The following ADGRV1 variants were observed in gnomAD, a reference collection of about 807,000 sequenced individuals.
ADGRV1 encodes adhesion G protein-coupled receptor V1.
In ADGRV1, 359 loss-of-function variants were observed where a neutral mutation model predicts 596.2. That is an observed-to-expected ratio of 0.60 (90% CI 0.55 to 0.66). The LOEUF (loss-of-function observed/expected upper bound fraction) is 0.66. ADGRV1 is among the 30% of genes least tolerant of loss of function. ADGRV1 has a pLI of 0.00. For missense variants in ADGRV1, 7,274 were observed against 7,575.6 expected (o/e 0.96, Z 1.48); for synonymous variants, 2,681 against 2,679.2 (o/e 1.00, Z -0.02).
chr5:91,139,083 T>A (rs969061578), intron 87 of ADGRV1, among the ~76,000 whole-genome samples: 20 of 152,202 alleles, frequency 1.3e-4, no homozygotes. Context: ...TTGGTAAACT[T>A]CTTATCTCTT....
At position 90,788,105 on chromosome 5, in the gene ADGRV1, A is replaced by T; in HGVS notation, c.13688A>T (p.Glu4563Val). The T allele has an allele frequency of 6.2e-7, 1 of 1,613,156 alleles. No homozygotes were observed. Among genetic ancestry groups the T allele is most frequent in the Non-Finnish European group, 8.5e-7 (1 of 1,179,436 alleles). Reference sequence around the variant, plus strand: ...GAGACAGTAGGACCCAACTCTCAAGAAGCCTTACTGCCACAGAATAGAGAC... The same window carrying T: ...GAGACAGTAGGACCCAACTCTCAAGTAGCCTTACTGCCACAGAATAGAGAC... ...NWETVGPNSQ[E>V]ALLPQNRDIA... The change falls in exon 68 of 90, where the codon GAA becomes GTA. Residue 4563 changes from glutamate to valine, a missense_variant. Coordinates refer to ENST00000405460, the MANE Select transcript of ADGRV1 (RefSeq NM_032119.4).
chr5:90,936,823 G>GT (rs989261307), intron 83 of ADGRV1, among the ~76,000 whole-genome samples: 19 of 151,890 alleles, frequency 1.3e-4, no homozygotes, highest in African/African-American at 2.7e-4. Context: ...TAAACATATG[G>GT]TTTTTTTGCT....
rs200187681 is a variant in ADGRV1 at position 90,637,731 on chromosome 5, A to C, written c.2023A>C (p.Ile675Leu). 2.0e-4 allele frequency: 327 copies of C among 1,605,308 alleles called. 2 individuals are homozygous for C. The African/African-American group carries it at 3.6e-3, about 18-fold the overall frequency. Residue 675 changes from isoleucine to leucine, a missense_variant, in exon 11 of 90, where the codon ATT (isoleucine) becomes CTT (leucine). Physicochemically the swap from Ile to Leu is conservative, Grantham distance 5. This residue lies in a region of ADGRV1 where 1,715 missense variants were observed against 1,708.8 expected (regional missense o/e 1.00). Coordinates refer to ENST00000405460, the MANE Select transcript of ADGRV1 (RefSeq NM_032119.4). ...GTTCTTTTCTTTTTATAAGGTATAC[A>C]TTCCCTTACATCGGGATGGAACTGA... is the stretch of plus-strand genomic sequence containing the variant. ...PEDFAAEVVY[I>L]PLHRDGTDGQ...
chr5:90,961,247 T>A (rs1777980865), intron 83 of ADGRV1, among the ~76,000 whole-genome samples: 1 of 152,124 alleles, frequency 6.6e-6, no homozygotes, highest in South Asian at 2.1e-4. Context: ...ACGCCTGTAA[T>A]CCCAGCACTT....
intron 23 of ADGRV1, 26 bp downstream of exon 23, chr5:90,674,260 AT>A: frequency 6.5e-7 from 1 of 1,529,226 alleles, no homozygotes; most frequent in Non-Finnish European, 8.8e-7. Flanking sequence ...TGCAAGAAAA[AT>A]CCTCTCTTCT....
intron 87 of ADGRV1, among the ~76,000 whole-genome samples, chr5:91,103,484 G>A (rs1378549899): frequency 6.6e-6 from 1 of 151,288 alleles, no homozygotes; most frequent in Non-Finnish European, 1.5e-5. Flanking sequence ...CATCAGGGCA[G>A]AGCCATCAGG....
intron 87 of ADGRV1, among the ~76,000 whole-genome samples, chr5:91,133,301 G>T (rs1794365915): frequency 1.3e-5 from 2 of 152,200 alleles, no homozygotes; most frequent in South Asian, 4.1e-4. Flanking sequence ...TGGGGCCAGG[G>T]GAGGAGAGAG....
intron 85 of ADGRV1, among the ~76,000 whole-genome samples, chr5:91,014,136 C>CACACACACACACACACA (rs1782962720): frequency 0.014 from 484 of 35,684 alleles, 11 homozygotes; most frequent in African/African-American, 0.041. Flanking sequence ...TTCACAATTG[C>CACACACACACACACACA]CACACACACA....
intron 6 of ADGRV1, among the ~76,000 whole-genome samples, chr5:90,626,952 G>T (rs1450626520): frequency 1.3e-5 from 2 of 152,128 alleles, no homozygotes; most frequent in African/African-American, 2.4e-5. Context: ...ACCAGTTAAG[G>T]CTGAAAGACA....
intron 33 of ADGRV1, 67 bp downstream of exon 33, chr5:90,694,768 A>C (rs1746973876): frequency 1.5e-6 from 2 of 1,352,124 alleles, no homozygotes; most frequent in Non-Finnish European, 2.0e-6. Flanking sequence ...TTTTATGATA[A>C]AATTTATAAG....
intron 83 of ADGRV1, among the ~76,000 whole-genome samples, chr5:90,961,087 C>G (rs1199531009): frequency 2.0e-5 from 3 of 152,100 alleles, no homozygotes; most frequent in Admixed American, 6.5e-5. Context: ...TTAGAAAGAA[C>G]TACATTTGGC....
intron 77 of ADGRV1, among the ~76,000 whole-genome samples, chr5:90,831,280 TAC>T (rs539222542): frequency 4.2e-4 from 63 of 149,534 alleles, no homozygotes; most frequent in East Asian, 1.2e-3. Flanking sequence ...TACATATATA[TAC>T]ACACACACAC....
rs1226569427 is a variant in ADGRV1 at position 90,828,990 on chromosome 5, C to T, written c.16415C>T (p.Thr5472Ile). The change falls in exon 77 of 90, where the codon ACT (threonine) becomes ATT (isoleucine). Residue 5472 changes from threonine (T) to isoleucine (I), a missense_variant. Physicochemically the swap from Thr to Ile is moderately conservative, Grantham distance 89 (BLOSUM62 -1). Around this residue, in one of 5 missense-constraint regions of ADGRV1, gnomAD observed 1,874 missense variants for 1,970.2 expected, o/e 0.95. Transcript: ENST00000405460. ...VYFFVELYEA[T>I]AGAAINNSAR... ...TTTTTTGTGGAACTATATGAAGCTA[C>T]TGCTGGAGCAGCAATAAACAACAGT... The T allele has an allele frequency of 6.2e-7, 1 of 1,605,904 alleles. No individual in the cohort carries two copies. Among genetic ancestry groups the T allele is most frequent in the Admixed American group, 1.7e-5 (1 of 59,780 alleles).
intron 83 of ADGRV1, among the ~76,000 whole-genome samples, chr5:90,949,254 A>G (rs1366523485): frequency 1.3e-5 from 2 of 152,076 alleles, no homozygotes. Context: ...GGTGTTAGAA[A>G]AGTTCTATAC....
intron 85 of ADGRV1, among the ~76,000 whole-genome samples, chr5:90,991,478 T>C (rs1430849653): frequency 6.6e-6 from 1 of 152,200 alleles, no homozygotes; most frequent in East Asian, 1.9e-4. Context: ...AGAGACAAGG[T>C]CTTGCTGTGT....
At chr5:91,137,453 G>C (rs1794736725) in intron 87 of ADGRV1, among the ~76,000 whole-genome samples, 1 of 152,118 alleles carries the variant, frequency 6.6e-6, no homozygotes, top group Non-Finnish European at 1.5e-5. Context: ...TTGTAACTGA[G>C]TTAGGCTTCA....
chr5:90,763,487 A>C lies in ADGRV1; in HGVS notation c.12285+18A>C. 1 of 1,577,068 alleles carries C rather than the reference A, an allele frequency of 6.3e-7. No homozygotes were observed. Among genetic ancestry groups the C allele is most frequent in the Non-Finnish European group, 8.6e-7 (1 of 1,157,460 alleles). ...TTGATGAGGTATAGTCAGCATTAGC[A>C]CTCCTGTAATTTTTCCCCAATTTGT... On this transcript the variant is annotated intron_variant, in intron 59 of 89. Coordinates refer to ENST00000405460, the MANE Select transcript of ADGRV1 (RefSeq NM_032119.4).
At chr5:90,607,677 G>A (rs970210867) in intron 1 of ADGRV1, among the ~76,000 whole-genome samples, 2 of 152,006 alleles carry the variant, frequency 1.3e-5, no homozygotes, top group Admixed American at 6.6e-5. Flanking sequence ...ACTAAAATTG[G>A]GACTTTCTAA....
At chr5:90,581,783 T>A (rs2094563149) in intron 1 of ADGRV1, among the ~76,000 whole-genome samples, 1 of 152,214 alleles carries the variant, frequency 6.6e-6, no homozygotes, top group Non-Finnish European at 1.5e-5. Context: ...TTCAGAGCTG[T>A]CAGACAGGGC....
Sources: allele counts gnomAD v4.1 joint callset (sites outside exome capture counted in the v4.1 genomes callset), GRCh38; gene constraint gnomAD v4.1.1; regional missense constraint gnomAD v4.1.1; transcripts MANE v1.5; gene names NCBI Gene and HGNC (gene_info 2026-07-23, HGNC 2026-07-21).